LIPC: variants seen among roughly 807,000 people sequenced by gnomAD.
The protein encoded by LIPC is lipase C, hepatic type.
A neutral mutation model predicts 50.7 loss-of-function variants in LIPC; 44 were observed. The ratio of observed to expected loss-of-function variants is 0.87; its 90% CI spans 0.68 to 1.11. The LOEUF (loss-of-function observed/expected upper bound fraction) is 1.11, where lower values mean the gene tolerates loss of function less well. LIPC is among the 50% of genes most tolerant of loss of function. The pLI is 0.00. For missense variants in LIPC, 697 were observed against 648.2 expected, an observed-to-expected ratio of 1.08 and a Z score of -0.82; for synonymous variants, 271 against 256.4, an observed-to-expected ratio of 1.06 and a Z score of -0.54.
intron 8 of LIPC, among the ~76,000 whole-genome samples, chr15:58,568,457 G>A (rs183595854): frequency 6.6e-5 from 10 of 152,216 alleles, no homozygotes; most frequent in African/African-American, 2.2e-4. Context: ...ACAAAGGAGG[G>A]CTGCCCCAGG....
intron 1 of LIPC, among the ~76,000 whole-genome samples, chr15:58,462,886 T>C (rs1319256226): frequency 6.6e-6 from 1 of 152,254 alleles, no homozygotes; most frequent in Non-Finnish European, 1.5e-5. Context: ...GGGCCCTGCC[T>C]GCAGAGTTAT....
chr15:58,481,701 G>C (rs533642748), intron 1 of LIPC, among the ~76,000 whole-genome samples: 106 of 152,320 alleles, frequency 7.0e-4, no homozygotes, highest in Middle Eastern at 6.8e-3. Context: ...GAGAGGCTGA[G>C]GCAGGGAGAA....
chr15:58,433,673 G>T (rs554218070), intron 1 of LIPC, among the ~76,000 whole-genome samples: 1 of 152,312 alleles, frequency 6.6e-6, no homozygotes, highest in South Asian at 2.1e-4. Context: ...CTGAGATAGA[G>T]GTTGAAGGGA....
At chr15:58,454,563 A>AGG (rs1894040071) in intron 1 of LIPC, 1 of 152,180 alleles carries the variant, frequency 6.6e-6, no homozygotes, top group African/African-American at 2.4e-5. Context: ...TGAATGATTC[A>AGG]CTTCTGCCTA....
At chr15:58,493,493 A>G (rs1358651468) in intron 1 of LIPC, among the ~76,000 whole-genome samples, 1 of 151,186 alleles carries the variant, frequency 6.6e-6, no homozygotes, top group Admixed American at 6.6e-5. Flanking sequence ...TTTTTTGTGT[A>G]TATATACATA....
intron 1 of LIPC, among the ~76,000 whole-genome samples, chr15:58,456,895 A>G (rs1284819945): frequency 2.6e-5 from 4 of 152,254 alleles, no homozygotes; most frequent in African/African-American, 7.2e-5. Flanking sequence ...TCTAGAGAAC[A>G]TCTCGCTCAA....
chr15:58,443,577 CAG>C (rs1893578932), intron 1 of LIPC, among the ~76,000 whole-genome samples: 1 of 152,180 alleles, frequency 6.6e-6, no homozygotes, highest in Non-Finnish European at 1.5e-5. Context: ...CTCTATCTTC[CAG>C]GTTGTTTTTA....
At chr15:58,493,826 C>T (rs1295540524) in intron 1 of LIPC, among the ~76,000 whole-genome samples, 1 of 151,570 alleles carries the variant, frequency 6.6e-6, no homozygotes, top group African/African-American at 2.4e-5. Flanking sequence ...ATTGAAACCT[C>T]CTTAAGCATG....
chr15:58,562,837 G>A (rs1322639502), intron 7 of LIPC, among the ~76,000 whole-genome samples: 9 of 134,324 alleles, frequency 6.7e-5, no homozygotes, highest in Admixed American at 3.2e-4. Flanking sequence ...CATCTGCCTC[G>A]CCCTAAATCC....
At chr15:58,448,358 T>G (rs894860273) in intron 1 of LIPC, among the ~76,000 whole-genome samples, 4 of 152,230 alleles carry the variant, frequency 2.6e-5, no homozygotes, top group Admixed American at 1.3e-4. Context: ...AGCCCCCTCT[T>G]CTTAGCTCAG....
intron 1 of LIPC, among the ~76,000 whole-genome samples, chr15:58,490,024 T>C (rs1456401127): frequency 1.3e-5 from 2 of 152,094 alleles, no homozygotes; most frequent in African/African-American, 4.8e-5. Flanking sequence ...ACAGTACTCA[T>C]TGGGCCTTAG....
intron 1 of LIPC, among the ~76,000 whole-genome samples, chr15:58,469,336 G>C (rs2140735048): frequency 6.6e-6 from 1 of 152,280 alleles, no homozygotes; most frequent in Non-Finnish European, 1.5e-5. Context: ...GGAGTACTCA[G>C]AACTCTCAGC....
In LIPC at chr15:58,494,804, C is replaced by T. The variant is rs186288340; in HGVS notation, c.89-43529C>T. On this transcript the variant is annotated intron_variant, in intron 1 of 8. Coordinates refer to ENST00000299022, the MANE Select transcript of LIPC (RefSeq NM_000236.3). Reference sequence around the variant, plus strand: ...GCACATAAGGAATCTGGAGTTCTTGCTAGTTCTTGCTTGGAAATGATCTGT... The same window carrying T: ...GCACATAAGGAATCTGGAGTTCTTGTTAGTTCTTGCTTGGAAATGATCTGT... The T allele has an allele frequency of 1.5e-5, 7 of 456,252 alleles. No homozygotes were observed. The East Asian group carries it at 4.9e-4, about 32-fold the overall frequency. 28.3% of individuals were successfully genotyped at this position (456,252 alleles called of 1,614,324 possible).
intron 1 of LIPC, among the ~76,000 whole-genome samples, chr15:58,489,107 G>C (rs1407936635): frequency 1.3e-5 from 2 of 151,280 alleles, no homozygotes; most frequent in Non-Finnish European, 2.9e-5. Context: ...CAGATAAGCT[G>C]AACAGATGGT....
intron 3 of LIPC, 74 bp downstream of exon 3, chr15:58,542,041 T>G: frequency 6.7e-7 from 1 of 1,497,588 alleles, no homozygotes; most frequent in Non-Finnish European, 9.0e-7. Flanking sequence ...TGAATTAAGC[T>G]GGTCTCCAAC....
intron 1 of LIPC, among the ~76,000 whole-genome samples, chr15:58,534,093 T>G (rs921752231): frequency 2.0e-5 from 3 of 152,182 alleles, no homozygotes; most frequent in African/African-American, 7.2e-5. Context: ...TAGAGATGAA[T>G]GACGGTGTTA....
intron 1 of LIPC, among the ~76,000 whole-genome samples, chr15:58,500,930 C>A (rs1408050011): frequency 6.6e-6 from 1 of 152,064 alleles, no homozygotes; most frequent in South Asian, 2.1e-4. Context: ...GGAAGACACA[C>A]CAGGCCATTC....
chr15:58,478,666 G>A (rs1361178749), intron 1 of LIPC, among the ~76,000 whole-genome samples: 1 of 152,198 alleles, frequency 6.6e-6, no homozygotes, highest in African/African-American at 2.4e-5. Flanking sequence ...TCATATAGTT[G>A]ATAAGTATCA....
intron 1 of LIPC, among the ~76,000 whole-genome samples, chr15:58,512,994 G>C (rs1892378240): frequency 6.6e-6 from 1 of 150,828 alleles, no homozygotes; most frequent in Non-Finnish European, 1.5e-5. Flanking sequence ...ACATAGAAAA[G>C]GAGACACAGA....
Sources: allele counts gnomAD v4.1 joint callset (sites outside exome capture counted in the v4.1 genomes callset), GRCh38; gene constraint gnomAD v4.1.1; transcripts MANE v1.5; gene names NCBI Gene and HGNC (gene_info 2026-07-23, HGNC 2026-07-21).